Variants in TNPO3 observed in about 807,000 individuals in gnomAD.
TNPO3 encodes transportin 3, also known as transportin-3.
In TNPO3, 65 loss-of-function variants were observed where a neutral mutation model predicts 122.8. The ratio of observed to expected loss-of-function variants is 0.53; its 90% CI spans 0.43 to 0.65. The LOEUF (loss-of-function observed/expected upper bound fraction) is 0.65. Ranked by LOEUF, TNPO3 falls within the 30% of genes least tolerant of loss-of-function variation. The pLI is 0.00. For missense variants in TNPO3, 850 were observed against 1,136.7 expected, an observed-to-expected ratio of 0.75 and a Z score of 3.63; for synonymous variants, 372 against 411.2, an observed-to-expected ratio of 0.90 and a Z score of 1.15.
At chr7:129,006,398 T>C (rs1802575008) in intron 4 of TNPO3, among the ~76,000 whole-genome samples, 1 of 152,128 alleles carries the variant, frequency 6.6e-6, no homozygotes, top group African/African-American at 2.4e-5. Context: ...GCTTTGGCAA[T>C]AGAATAATAA....
At chr7:129,044,080 G>A (rs1400953570) in intron 1 of TNPO3, among the ~76,000 whole-genome samples, 1 of 152,140 alleles carries the variant, frequency 6.6e-6, no homozygotes, top group East Asian at 1.9e-4. Context: ...TTAAAGTATT[G>A]TAATAACGCA....
intron 1 of TNPO3, among the ~76,000 whole-genome samples, chr7:129,040,020 C>T (rs182705861): frequency 2.4e-4 from 37 of 152,178 alleles, no homozygotes; most frequent in Admixed American, 4.6e-4. Context: ...TTTGGGAGAC[C>T]GAGGCAGGTG....
At chr7:129,056,150 C>T (rs1809434693), upstream of TNPO3, 2 of 949,420 alleles carry the variant, frequency 2.1e-6, no homozygotes, top group South Asian at 2.6e-5. Context: ...TTTGTGCTCT[C>T]GCCACTGCGT....
intron 16 of TNPO3, among the ~76,000 whole-genome samples, chr7:128,977,619 T>C (rs2129002089): frequency 7.1e-6 from 1 of 141,190 alleles, no homozygotes; most frequent in East Asian, 2.1e-4. Flanking sequence ...TTTTTTGAGA[T>C]GGAGTTTCAC....
At chr7:129,052,344 G>A (rs555631729) in intron 1 of TNPO3, among the ~76,000 whole-genome samples, 4 of 152,274 alleles carry the variant, frequency 2.6e-5, no homozygotes, top group Non-Finnish European at 4.4e-5. Context: ...TTCCTCTCAA[G>A]GCAGCCAACT....
chr7:128,988,547 C>T (rs575737422), intron 11 of TNPO3, among the ~76,000 whole-genome samples: 2 of 152,278 alleles, frequency 1.3e-5, no homozygotes, highest in East Asian at 3.9e-4. Context: ...CTGTCTACTG[C>T]TGAGGCACAA....
intron 12 of TNPO3, 124 bp from the exon 13 acceptor site, chr7:128,984,383 G>A (rs1799936130): frequency 3.7e-6 from 2 of 538,026 alleles, no homozygotes; most frequent in Admixed American, 3.5e-5. Context: ...AAAAAGATCA[G>A]CATTGTTTTT....
At position 128,989,826 on chromosome 7, in the gene TNPO3, ATT is replaced by A. The variant is rs961780060; in HGVS notation, c.1498+133_1498+134del. 119 of 933,760 alleles carry A rather than the reference ATT, an allele frequency of 1.3e-4. No individual in the cohort carries two copies. The Middle Eastern group carries it at 1.3e-3, about 10-fold the overall frequency. 57.8% of individuals were successfully genotyped at this position (933,760 alleles called of 1,614,324 possible). On this transcript the variant is annotated intron_variant, in intron 11 of 22. Coordinates refer to ENST00000265388, the MANE Select transcript of TNPO3 (RefSeq NM_012470.4). ...TCAAATAAGCACTAACTTACAACAT[ATT>A]GTTTACTCTCAGTTTCTATAAACAC...
chr7:128,970,206 G>A lies in TNPO3; in HGVS notation c.2540C>T (p.Pro847Leu). ...TTCAGCCACATCTGGTAGGGTATAG[G>A]GGGGGAGGCAAAAGCAGCAGGTGTG... ...LLHTCCFCLP[P>L]YTLPDVAEVL... The change falls in exon 20 of 23, where the codon CCC (proline) becomes CTC (leucine). Residue 847 changes from proline (P) to leucine (L), a missense_variant. Transcript: ENST00000265388. 5 of 1,614,172 alleles carry A rather than the reference G, an allele frequency of 3.1e-6. No homozygotes were observed. Among genetic ancestry groups the A allele is most frequent in the Middle Eastern group, 1.6e-4 (1 of 6,062 alleles).
intron 1 of TNPO3, among the ~76,000 whole-genome samples, chr7:129,052,634 T>C (rs572007110): frequency 3.1e-4 from 47 of 152,354 alleles, no homozygotes; most frequent in African/African-American, 1.1e-3. Context: ...TTTTAATCTC[T>C]ATGTTCCAAG....
At chr7:129,041,038 C>G (rs900422486) in intron 1 of TNPO3, among the ~76,000 whole-genome samples, 1 of 152,136 alleles carries the variant, frequency 6.6e-6, no homozygotes, top group African/African-American at 2.4e-5. Context: ...TCATAATTAT[C>G]ACTTTATTTT....
chr7:129,052,973 G>A (rs1482078551), intron 1 of TNPO3, among the ~76,000 whole-genome samples: 2 of 152,114 alleles, frequency 1.3e-5, no homozygotes, highest in Non-Finnish European at 2.9e-5. Flanking sequence ...ACAGTGAGTC[G>A]TATTCCTTTA....
chr7:128,967,118 A>G (rs1797997708), intron 21 of TNPO3, among the ~76,000 whole-genome samples, 162 bp downstream of exon 21: 1 of 152,254 alleles, frequency 6.6e-6, no homozygotes, highest in Non-Finnish European at 1.5e-5. Context: ...ATACATACAC[A>G]GCATGGTGAA....
chr7:128,970,378 C>G, intron 19 of TNPO3, 63 bp from the exon 20 acceptor site: 1 of 1,462,586 alleles, frequency 6.8e-7, no homozygotes, highest in Non-Finnish European at 9.2e-7. Flanking sequence ...AGACCAAGCA[C>G]TCTTTCCCCT....
In TNPO3 at chr7:128,993,900, C is replaced by T. The variant is rs1356901279; in HGVS notation, c.1173G>A (p.Glu391=). 5 of 1,613,824 alleles carry T rather than the reference C, an allele frequency of 3.1e-6. No homozygotes were observed. Among genetic ancestry groups the T allele is most frequent in the Non-Finnish European group, 4.2e-6 (5 of 1,179,962 alleles). Residue 391 remains glutamate, a synonymous_variant, in exon 9 of 23, where the codon GAG becomes GAA. Coordinates refer to ENST00000265388, the MANE Select transcript of TNPO3 (RefSeq NM_012470.4). ...GAAACTCCCCAAAGTCATCAGTCTC[C>T]TCAGGAACCCCCTCCTAAAATATCA... is the stretch of plus-strand genomic sequence containing the variant. ...QLEPDHEGVP[E]ETDDFGEFRM...
intron 7 of TNPO3, among the ~76,000 whole-genome samples, chr7:128,999,390 T>C (rs1396504076): frequency 6.6e-6 from 1 of 152,192 alleles, no homozygotes; most frequent in East Asian, 1.9e-4. Flanking sequence ...TGGTGTTACA[T>C]TCTCCCAGAA....
intron 1 of TNPO3, among the ~76,000 whole-genome samples, chr7:129,047,206 A>C (rs1254785645): frequency 1.3e-5 from 2 of 152,222 alleles, no homozygotes; most frequent in African/African-American, 2.4e-5. Flanking sequence ...TTGAGGTAAT[A>C]TCTAACCCAA....
At chr7:129,021,671 T>C (rs1483904211) in intron 1 of TNPO3, among the ~76,000 whole-genome samples, 2 of 151,382 alleles carry the variant, frequency 1.3e-5, no homozygotes, top group Non-Finnish European at 2.9e-5. Flanking sequence ...AAAGAGAAAA[T>C]AAGCAGAGTA....
intron 1 of TNPO3, among the ~76,000 whole-genome samples, chr7:129,027,179 A>C (rs1165149015): frequency 6.6e-6 from 1 of 152,186 alleles, no homozygotes; most frequent in Non-Finnish European, 1.5e-5. Flanking sequence ...TAAACAATAA[A>C]GCTATCTCTC....
Sources: allele counts gnomAD v4.1 joint callset (sites outside exome capture counted in the v4.1 genomes callset), GRCh38; gene constraint gnomAD v4.1.1; transcripts MANE v1.5; gene names NCBI Gene and HGNC (gene_info 2026-07-23, HGNC 2026-07-21).